The following WDR35 variants were observed in gnomAD, a reference collection of about 807,000 sequenced individuals.
WDR35 encodes WD repeat domain 35, also known as WD repeat-containing protein 35.
In WDR35, 118 loss-of-function variants were observed where a neutral mutation model predicts 158.3. That is an observed-to-expected ratio of 0.75 (90% CI 0.64 to 0.87). The LOEUF is 0.87. Among genes scored for constraint, WDR35 ranks in the 40% least tolerant of loss-of-function variants. The probability of loss-of-function intolerance (pLI) is 0.00; values close to 1 mark genes in which losing one functional copy is unlikely to be tolerated. For synonymous variants in WDR35, 448 were observed against 476.1 expected (o/e 0.94, Z 0.77); for missense variants, 1,263 against 1,405.8 (o/e 0.90, Z 1.62).
At chr2:19,939,325 A>C (rs1016435589) in intron 17 of WDR35, among the ~76,000 whole-genome samples, 2 of 152,242 alleles carry the variant, frequency 1.3e-5, no homozygotes, top group Admixed American at 6.5e-5. Context: ...TATCTACAAA[A>C]GGAGAAAAAG....
intron 2 of WDR35, among the ~76,000 whole-genome samples, chr2:19,987,843 A>AC (rs1672618732): frequency 6.6e-6 from 1 of 151,520 alleles, no homozygotes; most frequent in African/African-American, 2.4e-5. Flanking sequence ...AAAAAAAAAA[A>AC]AAACTTGCCA....
chr2:19,919,475 T>G (rs1670102439), intron 25 of WDR35, among the ~76,000 whole-genome samples: 1 of 151,542 alleles, frequency 6.6e-6, no homozygotes, highest in Non-Finnish European at 1.5e-5. Context: ...AACCTTCTCC[T>G]GAATGACTAC....
In WDR35 at chr2:19,938,320, C is replaced by A. The variant is rs1290382251; in HGVS notation, c.2008G>T (p.Val670Phe). The change falls in exon 18 of 27, where the codon GTT (valine) becomes TTT (phenylalanine). Residue 670 changes from valine to phenylalanine, a missense_variant. Transcript: ENST00000281405. ...LRDSRALIEK[V>F]GIKDASQFIE... ...AACTGAGATGCATCTTTAATTCCAACCTTCTCAATCAGTGCTCGGCTATCT... is the reference window on the plus strand; with the variant it reads ...AACTGAGATGCATCTTTAATTCCAAACTTCTCAATCAGTGCTCGGCTATCT... 6.2e-7 allele frequency: 1 copy of A among 1,614,016 alleles called. No homozygotes were observed. The highest frequency in any genetic ancestry group is 1.3e-5 in the African/African-American group (1 of 75,000).
chr2:19,974,487 C>T lies in WDR35; in HGVS notation c.717G>A (p.Met239Ile), dbSNP rs866797378. ...VCFDNGRCQI[M>I]RHENDQNPVL... Reference sequence around the variant, plus strand: ...CCTTACTTTGGTCATTCTCATGTCTCATTATTTGGCATCTTCCATTATCAA... The same window carrying T: ...CCTTACTTTGGTCATTCTCATGTCTTATTATTTGGCATCTTCCATTATCAA... The change falls in exon 7 of 27, where the codon ATG becomes ATA. Residue 239 changes from methionine to isoleucine, a missense_variant. By Grantham distance (10) the Met-to-Ile change is conservative. Transcript: ENST00000281405. The T allele has an allele frequency of 6.2e-7, 1 of 1,610,040 alleles. No homozygotes were observed. Among genetic ancestry groups the T allele is most frequent in the South Asian group, 1.1e-5 (1 of 89,952 alleles).
rs1227047966 is a variant in WDR35 at position 19,978,858 on chromosome 2, A to C, written c.329T>G (p.Ile110Ser). The C allele has an allele frequency of 1.2e-6, 2 of 1,613,674 alleles. No homozygotes were observed. The highest frequency in any genetic ancestry group is 1.3e-5 in the African/African-American group (1 of 74,912). ...LYKGSWIEEM[I>S]NNRNKSVVRS... is the part of the protein sequence containing the mutation. Reference sequence around the variant, plus strand: ...AACAACTGATTTATTTCGATTGTTGATCATCTCCTCAATCCAAGAGCCTGT... The same window carrying C: ...AACAACTGATTTATTTCGATTGTTGCTCATCTCCTCAATCCAAGAGCCTGT... The change falls in exon 5 of 27, where the codon ATC (isoleucine) becomes AGC (serine). Residue 110 changes from isoleucine (I) to serine (S), a missense_variant. By Grantham distance (142) the Ile-to-Ser change is moderately radical. Coordinates refer to ENST00000281405, the MANE Select transcript of WDR35 (RefSeq NM_020779.4).
chr2:19,916,973 C>G (rs1306370725), intron 25 of WDR35, among the ~76,000 whole-genome samples: 1 of 152,126 alleles, frequency 6.6e-6, no homozygotes, highest in Non-Finnish European at 1.5e-5. Context: ...ATGTAGGGGC[C>G]GACAGAGACC....
In WDR35 at chr2:19,937,816, T is replaced by G. The variant is rs748476979; in HGVS notation, c.2194A>C (p.Lys732Gln). ...RLGKLLSESM[K>Q]QAEVVGYFGR... ...AAGTAGCCAACAACTTCAGCCTGTT[T>G]CATTGACTCACTCAGTAGTTTGCCC... is the stretch of plus-strand genomic sequence containing the variant. Residue 732 changes from lysine (K) to glutamine (Q), a missense_variant, in exon 19 of 27, where the codon AAA becomes CAA. Coordinates refer to ENST00000281405, the MANE Select transcript of WDR35 (RefSeq NM_020779.4). The G allele has an allele frequency of 6.8e-6, 11 of 1,614,048 alleles. No homozygotes were observed. The highest frequency in any genetic ancestry group is 1.6e-4 in the Middle Eastern group (1 of 6,084).
intron 25 of WDR35, among the ~76,000 whole-genome samples, chr2:19,920,510 G>C (rs988458550): frequency 6.6e-6 from 1 of 152,114 alleles, no homozygotes; most frequent in Non-Finnish European, 1.5e-5. Flanking sequence ...TGCAGAAAAA[G>C]CCTTCAACAA....
At chr2:19,925,470 T>C (rs1474788379) in intron 25 of WDR35, among the ~76,000 whole-genome samples, 1 of 152,158 alleles carries the variant, frequency 6.6e-6, no homozygotes, top group Non-Finnish European at 1.5e-5. Context: ...GAAGTAACTA[T>C]TTAGGGGAAA....
At chr2:19,947,992 C>G (rs1184274518) in intron 14 of WDR35, among the ~76,000 whole-genome samples, 172 bp downstream of exon 14, 1 of 151,554 alleles carries the variant, frequency 6.6e-6, no homozygotes, top group East Asian at 1.9e-4. Flanking sequence ...TTTTTAGAGA[C>G]AAGGTTTCAC....
chr2:19,966,188 G>A (rs1671846078), intron 10 of WDR35, among the ~76,000 whole-genome samples: 1 of 152,112 alleles, frequency 6.6e-6, no homozygotes, highest in South Asian at 2.1e-4. Flanking sequence ...AAAGATATTG[G>A]TAGTCCTTTT....
intron 25 of WDR35, among the ~76,000 whole-genome samples, chr2:19,916,257 C>A (rs562097427): frequency 2.6e-5 from 4 of 152,310 alleles, no homozygotes; most frequent in African/African-American, 9.6e-5. Flanking sequence ...CCAGGAGATT[C>A]CTTTCGCTGC....
intron 10 of WDR35, among the ~76,000 whole-genome samples, chr2:19,963,195 G>A (rs1229384289): frequency 7.9e-5 from 12 of 152,016 alleles, no homozygotes; most frequent in Admixed American, 7.2e-4. Context: ...CATTTTGTCG[G>A]ATCAGAATTT....
At chr2:19,925,614 AG>A (rs1307005366) in intron 25 of WDR35, among the ~76,000 whole-genome samples, 4 of 152,218 alleles carry the variant, frequency 2.6e-5, no homozygotes, top group African/African-American at 9.6e-5. Flanking sequence ...AGTATATCAA[AG>A]TAGTTATATT....
chr2:19,932,362 T>C lies in WDR35; in HGVS notation c.2744A>G (p.Glu915Gly), dbSNP rs908391087. ...TATGGCATCAAGAGTTTTATTCTTT[T>C]CCAGTAAATGAGATGCATACCTAGC... The part of the protein sequence containing the change: ...LLARYASHLL[E>G]KNKTLDAIEL... Residue 915 changes from glutamate to glycine, a missense_variant, in exon 23 of 27, where the codon GAA (glutamate) becomes GGA (glycine). Physicochemically the swap from Glu to Gly is moderately conservative, Grantham distance 98 (BLOSUM62 -2). Coordinates refer to ENST00000281405, the MANE Select transcript of WDR35 (RefSeq NM_020779.4). 8 of 1,613,250 alleles carry C rather than the reference T, an allele frequency of 5.0e-6. No homozygotes were observed. The highest frequency in any genetic ancestry group is 6.8e-6 in the Non-Finnish European group (8 of 1,179,576).
At chr2:19,932,568 T>A in intron 22 of WDR35, 121 bp from the exon 23 acceptor site, 1 of 1,237,044 alleles carries the variant, frequency 8.1e-7, no homozygotes, top group Non-Finnish European at 1.1e-6. Flanking sequence ...AAAACTGGTA[T>A]GTTTTAAAAA....
intron 25 of WDR35, among the ~76,000 whole-genome samples, chr2:19,927,295 A>G (rs1670386454): frequency 6.6e-6 from 1 of 152,220 alleles, no homozygotes; most frequent in Admixed American, 6.5e-5. Flanking sequence ...TCAAAAACCT[A>G]TTTGTAAACA....
intron 12 of WDR35, among the ~76,000 whole-genome samples, chr2:19,952,091 G>A (rs1671256502): frequency 6.6e-6 from 1 of 152,052 alleles, no homozygotes; most frequent in Non-Finnish European, 1.5e-5. Context: ...GGTGATGTCT[G>A]GGCTTTTAGT....
chr2:19,973,401 A>G (rs1228484667), intron 8 of WDR35, among the ~76,000 whole-genome samples, 162 bp downstream of exon 8: 1 of 152,206 alleles, frequency 6.6e-6, no homozygotes, highest in Non-Finnish European at 1.5e-5. Flanking sequence ...ATAAGATTAT[A>G]AAATTCCATG....
Sources: allele counts gnomAD v4.1 joint callset (sites outside exome capture counted in the v4.1 genomes callset), GRCh38; gene constraint gnomAD v4.1.1; transcripts MANE v1.5; gene names NCBI Gene and HGNC (gene_info 2026-07-23, HGNC 2026-07-21).